Variants in EPHA5 observed in about 807,000 individuals in gnomAD.
EPHA5 encodes the protein EPH receptor A5.
Under a neutral mutation model 105.0 loss-of-function variants are expected in EPHA5, and 60 were observed. The observed-to-expected ratio is 0.57, with a 90% CI of 0.46 to 0.71. EPHA5 has a LOEUF of 0.71. Ranked by LOEUF, EPHA5 falls within the 30% of genes least tolerant of loss-of-function variation. The pLI, the probability that EPHA5 is intolerant of heterozygous loss-of-function variation, is 0.00. For missense variants in EPHA5, 1,218 were observed against 1,274.7 expected (o/e 0.96, Z 0.68); for synonymous variants, 513 against 449.1 (o/e 1.14, Z -1.80).
At chr4:65,532,744 C>T (rs1424963109) in intron 3 of EPHA5, among the ~76,000 whole-genome samples, 1 of 146,664 alleles carries the variant, frequency 6.8e-6, no homozygotes, top group Admixed American at 7.0e-5. Context: ...TCTTCTAGTG[C>T]ATAAAACAAC....
intron 5 of EPHA5, among the ~76,000 whole-genome samples, chr4:65,453,853 A>G (rs1218816894): frequency 1.3e-5 from 2 of 152,020 alleles, no homozygotes. Flanking sequence ...AGTGTAGTTT[A>G]TTTTCTTTCA....
chr4:65,655,715 A>G (rs938797809), intron 1 of EPHA5, among the ~76,000 whole-genome samples: 2 of 152,116 alleles, frequency 1.3e-5, no homozygotes, highest in African/African-American at 4.8e-5. Context: ...ATAGATTTCC[A>G]AAGAATTTGC....
intron 1 of EPHA5, among the ~76,000 whole-genome samples, chr4:65,652,156 A>G (rs1276366945): frequency 6.6e-6 from 1 of 152,118 alleles, no homozygotes; most frequent in African/African-American, 2.4e-5. Context: ...CCACCCTACT[A>G]TGTATATAGA....
intron 3 of EPHA5, among the ~76,000 whole-genome samples, chr4:65,548,041 A>T (rs1560680836): frequency 6.6e-6 from 1 of 151,570 alleles, no homozygotes; most frequent in Admixed American, 6.6e-5. Context: ...AAAATATACA[A>T]CACATAAATA....
At chr4:65,669,279 G>C (rs1050025721) in intron 1 of EPHA5, among the ~76,000 whole-genome samples, 1 of 151,144 alleles carries the variant, frequency 6.6e-6, no homozygotes, top group Non-Finnish European at 1.5e-5. Flanking sequence ...AGGAGGCCTC[G>C]ACCTCCTTTC....
intron 1 of EPHA5, among the ~76,000 whole-genome samples, chr4:65,657,776 AC>A (rs1749198044): frequency 6.6e-6 from 1 of 152,036 alleles, no homozygotes; most frequent in Non-Finnish European, 1.5e-5. Context: ...TTCACTAAAC[AC>A]AAATGTATAG....
chr4:65,661,175 T>C (rs1749527301), intron 1 of EPHA5, among the ~76,000 whole-genome samples: 1 of 152,180 alleles, frequency 6.6e-6, no homozygotes, highest in Non-Finnish European at 1.5e-5. Context: ...TTAGAGTTAG[T>C]AAGTGTTAGA....
intron 1 of EPHA5, among the ~76,000 whole-genome samples, chr4:65,668,734 T>A (rs1750181075): frequency 6.6e-6 from 1 of 151,508 alleles, no homozygotes; most frequent in East Asian, 2.0e-4. Flanking sequence ...GGATTGGGGG[T>A]AGGGAGGGGG....
intron 3 of EPHA5, among the ~76,000 whole-genome samples, chr4:65,587,446 G>A (rs1578504116): frequency 6.6e-6 from 1 of 152,218 alleles, no homozygotes; most frequent in East Asian, 1.9e-4. Context: ...ATTTACAGGA[G>A]CAGACAAGTA....
At chr4:65,500,709 C>T (rs1732399950) in intron 3 of EPHA5, among the ~76,000 whole-genome samples, 1 of 149,944 alleles carries the variant, frequency 6.7e-6, no homozygotes, top group Admixed American at 6.7e-5. Context: ...AGAAATATGG[C>T]CCACCAAGAA....
intron 5 of EPHA5, among the ~76,000 whole-genome samples, chr4:65,443,786 C>A (rs1244881710): frequency 3.9e-5 from 6 of 152,126 alleles, no homozygotes; most frequent in Admixed American, 3.9e-4. Context: ...GACAGAAAAC[C>A]ATTGGGCAAA....
intron 13 of EPHA5, among the ~76,000 whole-genome samples, chr4:65,349,609 G>A (rs747682464): frequency 1.3e-5 from 2 of 151,990 alleles, no homozygotes; most frequent in Non-Finnish European, 2.9e-5. Context: ...TGCTGTTTAT[G>A]AACCAAAGTT....
At position 65,670,180 on chromosome 4, in the gene EPHA5, T is replaced by TA. The variant is rs201218817; in HGVS notation, c.-439dup. 0.026 allele frequency: 6,454 copies of TA among 244,420 alleles called. 390 individuals carry two copies. The highest frequency in any genetic ancestry group is 0.13 in the African/African-American group (5,977 of 45,906). The allele number at this position is 244,420 out of a possible 1,614,324, so 15.1% of individuals were successfully genotyped here. A position where few individuals can be genotyped will look rare whatever the true frequency, so the allele number is the denominator to read the frequency against. On this transcript the variant is annotated 5_prime_UTR_variant, in exon 1 of 17. Coordinates refer to ENST00000613740, the MANE Select transcript of EPHA5 (RefSeq NM_001281766.3). ...TTTTAAGACGAAATCTCCGATTTTT[T>TA]AAAAAAGGAGGAAAAAAGCAGGGTG...
intron 9 of EPHA5, 142 bp from the exon 10 acceptor site, chr4:65,366,199 C>T: frequency 1.5e-6 from 1 of 675,918 alleles, no homozygotes; most frequent in Non-Finnish European, 2.3e-6. Context: ...TCCTGAGTTA[C>T]AGTTGTTTGT....
chr4:65,417,425 A>G (rs1723495489), intron 6 of EPHA5, among the ~76,000 whole-genome samples: 1 of 152,336 alleles, frequency 6.6e-6, no homozygotes, highest in South Asian at 2.1e-4. Context: ...TATAGGTATA[A>G]TGTAGATATG....
rs75762163 is a variant in EPHA5 at position 65,392,320 on chromosome 4, A to T, written c.1793+12054T>A. ...ACAAAGTCACATCTATTGCTAACTC[A>T]TAAGCTTCTGAGATTTACTTTTATT... On this transcript the variant is annotated intron_variant, in intron 8 of 16. Coordinates refer to ENST00000613740, the MANE Select transcript of EPHA5 (RefSeq NM_001281766.3). Among the ~76,000 whole-genome samples the T allele has an allele frequency of 2.4e-4, 37 of 152,266 alleles. No homozygotes were observed. In the East Asian group the frequency reaches 7.1e-3, roughly 29 times the overall value.
chr4:65,382,858 G>T (rs930668533), intron 8 of EPHA5, among the ~76,000 whole-genome samples: 15 of 151,600 alleles, frequency 9.9e-5, no homozygotes, highest in African/African-American at 2.7e-4. Flanking sequence ...GAACTGATGT[G>T]TATTATAATA....
intron 16 of EPHA5, chr4:65,331,545 A>G: frequency 1.9e-6 from 2 of 1,055,736 alleles, no homozygotes; most frequent in Non-Finnish European, 2.3e-6. Flanking sequence ...TTACCTTGAT[A>G]TTCATCGTAG....
At chr4:65,510,987 CT>C (rs1733569993) in intron 3 of EPHA5, among the ~76,000 whole-genome samples, 1 of 151,984 alleles carries the variant, frequency 6.6e-6, no homozygotes, top group Non-Finnish European at 1.5e-5. Context: ...ATCAATCAAT[CT>C]CTCTCTCTCT....
Sources: gnomAD v4.1 joint callset for allele counts (sites outside exome capture counted in the v4.1 genomes callset) on GRCh38, gnomAD v4.1.1 for gene constraint, MANE v1.5 for transcripts, NCBI Gene and HGNC (gene_info 2026-07-23, HGNC 2026-07-21) for gene names.